Variants in LAT2 observed in about 807,000 individuals in gnomAD.
LAT2 encodes the protein linker for activation of T cells family member 2.
Under a neutral mutation model 43.4 loss-of-function variants are expected in LAT2, and 23 were observed. The observed-to-expected ratio is 0.53, with a 90% confidence interval of 0.38 to 0.75. The LOEUF is 0.75. Ranked by LOEUF, LAT2 falls within the 30% of genes least tolerant of loss-of-function variation. The probability of loss-of-function intolerance (pLI) is 0.00; values close to 1 mark genes in which losing one functional copy is unlikely to be tolerated. For synonymous variants in LAT2, 128 were observed against 123.2 expected (o/e 1.04, Z -0.26); for missense variants, 284 against 310.2 (o/e 0.92, Z 0.64).
At chr7:74,228,555 G>A (rs1451446945) in intron 13 of LAT2, among the ~76,000 whole-genome samples, 3 of 150,522 alleles carry the variant, frequency 2.0e-5, no homozygotes, top group Admixed American at 2.0e-4. Flanking sequence ...GGAAGCCGAG[G>A]TGGGCGGATC....
At chr7:74,213,836 G>A (rs1359808308) in intron 1 of LAT2, among the ~76,000 whole-genome samples, 2 of 151,626 alleles carry the variant, frequency 1.3e-5, no homozygotes, top group Non-Finnish European at 2.9e-5. Context: ...ACGGCGGGTG[G>A]GGGAGAGTGG....
chr7:74,217,460 A>G (rs1165906385), intron 4 of LAT2, among the ~76,000 whole-genome samples: 1 of 151,934 alleles, frequency 6.6e-6, no homozygotes, highest in African/African-American at 2.4e-5. Flanking sequence ...GAAAAAAAAA[A>G]TAGAGGTCCA....
Position 74,220,364 on chromosome 7 carries a change from G to T in LAT2, c.265+110G>T. 7.4e-7 allele frequency: 1 copy of T among 1,346,138 alleles called. No homozygotes were observed. Among genetic ancestry groups the T allele is most frequent in the Non-Finnish European group, 1.0e-6 (1 of 961,706 alleles). 83.4% of individuals were successfully genotyped at this position (1,346,138 alleles called of 1,614,324 possible). ...CAGTGGGGGCTGCGGGGCCAGGCGAGGCCTCCCCAGGAGAGACACACAGGC... is the reference window on the plus strand; with the variant it reads ...CAGTGGGGGCTGCGGGGCCAGGCGATGCCTCCCCAGGAGAGACACACAGGC... On this transcript the variant is annotated intron_variant, in intron 7 of 13. Transcript: ENST00000460943. This position sits in a 1 kb window ranked among gnomAD's most constrained non-coding sequence, Gnocchi z 4.5.
intron 5 of LAT2, 78 bp from the exon 6 acceptor site, chr7:74,219,882 T>C (rs1554714827): frequency 1.2e-5 from 20 of 1,609,228 alleles, no homozygotes; most frequent in African/African-American, 2.7e-5. Flanking sequence ...TGGCCAGGCC[T>C]GATGTGGGGG....
In LAT2 at chr7:74,221,712, C is replaced by CGGT. The variant is rs112556800; in HGVS notation, c.388+22_388+23insTGG. ...CAGAAGGTGAGGCGAAGGACAAAGCCGGAGGTGGAGGAAGTGGTGTGGGAG... is the reference window on the plus strand; with the variant it reads ...CAGAAGGTGAGGCGAAGGACAAAGCCGGTGGAGGTGGAGGAAGTGGTGTGGGAG... On this transcript the variant is annotated intron_variant, in intron 10 of 13. Transcript: ENST00000460943. 0.011 allele frequency: 17,155 copies of CGGT among 1,606,464 alleles called. 1,378 individuals are homozygous for CGGT. The African/African-American group carries it at 0.18, about 17-fold the overall frequency.
intron 13 of LAT2, among the ~76,000 whole-genome samples, chr7:74,226,934 G>A (rs928173199): frequency 3.9e-5 from 6 of 152,152 alleles, no homozygotes; most frequent in African/African-American, 1.4e-4. Flanking sequence ...GGGAGGAGCA[G>A]GTGAGGGGAA....
At chr7:74,215,515 T>C (rs1309529334) in intron 2 of LAT2, among the ~76,000 whole-genome samples, 1 of 152,064 alleles carries the variant, frequency 6.6e-6, no homozygotes, top group African/African-American at 2.4e-5. Flanking sequence ...CCACTGTGGG[T>C]TGATGGGCAG....
intron 1 of LAT2, 44 bp from the exon 2 acceptor site, chr7:74,214,778 T>A (rs1471759550): frequency 1.2e-5 from 1 of 80,020 alleles, no homozygotes; most frequent in African/African-American, 6.4e-5. Flanking sequence ...TATATATAAA[T>A]ATATATATAT....
intron 1 of LAT2, among the ~76,000 whole-genome samples, chr7:74,210,604 C>A (rs1156277492): frequency 6.6e-6 from 1 of 152,022 alleles, no homozygotes; most frequent in African/African-American, 2.4e-5. Context: ...CGCCCGCCTC[C>A]CTCTCTCCCT....
chr7:74,216,795 C>A (rs1554714356), intron 3 of LAT2, 30 bp from the exon 4 acceptor site: 1 of 1,611,670 alleles, frequency 6.2e-7, no homozygotes. Flanking sequence ...TGCTCCCAGA[C>A]CCTTTGCTAA....
At chr7:74,216,979 CA>C (rs758928841) in intron 4 of LAT2, 115 bp downstream of exon 4, 28 of 878,666 alleles carry the variant, frequency 3.2e-5, no homozygotes, top group Non-Finnish European at 5.1e-5. Context: ...TCCTCCGTGC[CA>C]AGTTCTAGTG....
chr7:74,222,066 C>G (rs184695043), intron 10 of LAT2, among the ~76,000 whole-genome samples: 1 of 148,580 alleles, frequency 6.7e-6, no homozygotes, highest in African/African-American at 2.4e-5. Flanking sequence ...GAAACCTGGT[C>G]GCTGAATGCC....
At position 74,223,775 on chromosome 7, in the gene LAT2, CAG is replaced by C. The variant is rs1554715656; in HGVS notation, c.444_445del (p.Glu148AspfsTer40). The C allele has an allele frequency of 1.9e-6, 3 of 1,613,944 alleles. No individual in the cohort carries two copies. Among genetic ancestry groups the C allele is most frequent in the South Asian group, 1.1e-5 (1 of 91,080 alleles). ...GTGCTCATTTGCAAGCAGAAAACCACAGAGACAGGTGAGGCTGCCCAGCCAGA... is the reference window on the plus strand; with the variant it reads ...GTGCTCATTTGCAAGCAGAAAACCACAGACAGGTGAGGCTGCCCAGCCAGA... On this transcript the variant is annotated frameshift_variant, in exon 11 of 14. Coordinates refer to ENST00000460943, the MANE Select transcript of LAT2 (RefSeq NM_032464.3). LOFTEE classifies it high-confidence loss of function.
chr7:74,220,304 AAGAC>A lies in LAT2; in HGVS notation c.265+53_265+56del, dbSNP rs1361573571. On this transcript the variant is annotated intron_variant, in intron 7 of 13. Coordinates refer to ENST00000460943, the MANE Select transcript of LAT2 (RefSeq NM_032464.3). The surrounding 1 kb of genome is among the most constrained non-coding windows in gnomAD (Gnocchi z 4.5). ...GGACAGGCCTAGCCAAGCTGGGACTAAGACAGGCGAAAACCCCATGGGACAGGCG... is the reference window on the plus strand; with the variant it reads ...GGACAGGCCTAGCCAAGCTGGGACTAAGGCGAAAACCCCATGGGACAGGCG... 1.9e-6 allele frequency: 3 copies of A among 1,577,086 alleles called. No individual in the cohort carries two copies. The highest frequency in any genetic ancestry group is 1.8e-5 in the Admixed American group (1 of 56,150).
chr7:74,222,431 C>T (rs1802324078), intron 10 of LAT2, among the ~76,000 whole-genome samples: 2 of 150,964 alleles, frequency 1.3e-5, no homozygotes, highest in Non-Finnish European at 3.0e-5. Context: ...CAAAAAAGGG[C>T]AACTGAGGAC....
Position 74,229,731 on chromosome 7 carries a change from T to C in LAT2, c.*806T>C, listed in dbSNP as rs1189042714. 1 of 152,240 alleles carries C rather than the reference T, an allele frequency of 6.6e-6. No individual in the cohort carries two copies. The highest frequency in any genetic ancestry group is 1.5e-5 in the Non-Finnish European group (1 of 68,052). The allele number at this position is 152,240 out of a possible 1,614,324, so 9.4% of individuals were successfully genotyped here. A position where few individuals can be genotyped will look rare whatever the true frequency, so the allele number is the denominator to read the frequency against. On this transcript the variant is annotated 3_prime_UTR_variant, in exon 14 of 14. Coordinates refer to ENST00000460943, the MANE Select transcript of LAT2 (RefSeq NM_032464.3). Reference sequence around the variant, plus strand: ...ATTAAACAGTGTTGTGACTGTCTCATGGGAAGAGCTGGGGCCCAGAGGGAC... The same window carrying C: ...ATTAAACAGTGTTGTGACTGTCTCACGGGAAGAGCTGGGGCCCAGAGGGAC...
rs1802618342 is a variant in LAT2, at chr7:74,229,640, G to C, written c.*715G>C. ...TCTAGAGAAGTAGTGACCAGAACAG[G>C]GCAGAGTAGGTCCCCTCCATGGCCC... On this transcript the variant is annotated 3_prime_UTR_variant, in exon 14 of 14. Coordinates refer to ENST00000460943, the MANE Select transcript of LAT2 (RefSeq NM_032464.3). 1.3e-5 allele frequency: 2 copies of C among 152,482 alleles called. No individual in the cohort carries two copies. The highest frequency in any genetic ancestry group is 2.1e-4 in the South Asian group (1 of 4,830). The allele number at this position is 152,482 out of a possible 1,614,324, so 9.4% of individuals were successfully genotyped here. A position where few individuals can be genotyped will look rare whatever the true frequency, so the allele number is the denominator to read the frequency against.
At chr7:74,222,414 A>T (rs1279786421) in intron 10 of LAT2, among the ~76,000 whole-genome samples, 1 of 150,000 alleles carries the variant, frequency 6.7e-6, no homozygotes, top group Non-Finnish European at 1.5e-5. Flanking sequence ...AAAAAAAAAA[A>T]TCCCCCCAAA....
intron 1 of LAT2, 100 bp from the exon 2 acceptor site, chr7:74,214,722 A>AAT (rs1801957633): frequency 1.9e-5 from 2 of 104,066 alleles, no homozygotes; most frequent in African/African-American, 8.8e-5. Context: ...TATATATAAA[A>AAT]ATATAAATAT....
Sources: allele counts gnomAD v4.1 joint callset (sites outside exome capture counted in the v4.1 genomes callset), GRCh38; gene constraint gnomAD v4.1.1; non-coding constraint Gnocchi (gnomAD v3.1); transcripts MANE v1.5; gene names NCBI Gene and HGNC (gene_info 2026-07-23, HGNC 2026-07-21).